The following CDH13 variants were observed in gnomAD, a reference collection of about 807,000 sequenced individuals.
The protein encoded by CDH13 is cadherin 13, also known as cadherin-13.
CDH13 carries 24 observed loss-of-function variants against 63.8 expected under a neutral mutation model. That is an observed-to-expected ratio of 0.38 (90% CI 0.27 to 0.53). The LOEUF is 0.53. Ranked by LOEUF, CDH13 falls within the 20% of genes least tolerant of loss-of-function variation. The pLI, the probability that CDH13 is intolerant of heterozygous loss-of-function variation, is 0.85. For synonymous variants in CDH13, 503 were observed against 355.3 expected (o/e 1.42, Z -4.67); for missense variants, 1,049 against 903.1 (o/e 1.16, Z -2.07).
At chr16:83,068,739 T>C (rs959552433) in intron 3 of CDH13, among the ~76,000 whole-genome samples, 2 of 152,140 alleles carry the variant, frequency 1.3e-5, no homozygotes, top group Non-Finnish European at 2.9e-5. Flanking sequence ...TTGGGAATGG[T>C]TTACATCTTT....
chr16:83,085,835 G>A (rs1398537794), intron 3 of CDH13, among the ~76,000 whole-genome samples: 1 of 152,154 alleles, frequency 6.6e-6, no homozygotes, highest in Admixed American at 6.5e-5. Context: ...GCTCTTGATG[G>A]GGAATAGTCA....
At chr16:83,084,550 T>C (rs890689016) in intron 3 of CDH13, among the ~76,000 whole-genome samples, 1 of 152,182 alleles carries the variant, frequency 6.6e-6, no homozygotes, top group African/African-American at 2.4e-5. Flanking sequence ...GAGCATGTCC[T>C]TTAGAGATAC....
At chr16:83,288,311 T>G (rs993512524) in intron 5 of CDH13, among the ~76,000 whole-genome samples, 1 of 152,194 alleles carries the variant, frequency 6.6e-6, no homozygotes, top group East Asian at 1.9e-4. Flanking sequence ...GTCCCAACAA[T>G]CTTGTTCCAT....
chr16:83,151,540 C>T (rs748398573), intron 4 of CDH13, among the ~76,000 whole-genome samples: 4 of 152,222 alleles, frequency 2.6e-5, no homozygotes, highest in Non-Finnish European at 4.4e-5. Context: ...CCCTAAAAGG[C>T]GGTGGATTTG....
intron 2 of CDH13, among the ~76,000 whole-genome samples, chr16:82,976,908 G>A (rs8047529): frequency 0.42 from 64,432 of 151,896 alleles, 13,872 homozygotes; most frequent in Admixed American, 0.45. Flanking sequence ...TTCTCCAGTT[G>A]ACAAAAGACA....
intron 2 of CDH13, among the ~76,000 whole-genome samples, chr16:82,960,454 A>G (rs999808852): frequency 6.6e-6 from 1 of 152,190 alleles, no homozygotes; most frequent in Admixed American, 6.5e-5. Context: ...GTGGTTAGAA[A>G]TAAGAGTCTG....
rs66957563 is a variant in CDH13 at position 83,337,621 on chromosome 16, A to ATTTTTTTTTT, written c.637-7221_637-7212dup. Among the ~76,000 whole-genome samples, 36 of 52,284 alleles carry ATTTTTTTTTT rather than the reference A, an allele frequency of 6.9e-4. 1 individual carries two copies. Among genetic ancestry groups the ATTTTTTTTTT allele is most frequent in the East Asian group, 7.7e-4 (1 of 1,304 alleles). 34.3% of individuals were successfully genotyped at this position (52,284 alleles called of 152,430 possible). A position where few individuals can be genotyped will look rare whatever the true frequency, so the allele number is the denominator to read the frequency against. On this transcript the variant is annotated intron_variant, in intron 5 of 13. Coordinates refer to ENST00000567109, the MANE Select transcript of CDH13 (RefSeq NM_001257.5). ...ATTTGAGAATTAAATTGACAAGCGT[A>ATTTTTTTTTT]TTTTTTTTTTTTTTTTTTTTTTTTT...
At chr16:82,871,393 G>A (rs771346407) in intron 2 of CDH13, among the ~76,000 whole-genome samples, 11 of 152,084 alleles carry the variant, frequency 7.2e-5, no homozygotes, top group Non-Finnish European at 1.5e-4. Context: ...GTATATCAGA[G>A]GAGAGATCAA....
intron 2 of CDH13, among the ~76,000 whole-genome samples, chr16:82,985,862 C>T (rs754229572): frequency 6.6e-6 from 1 of 152,018 alleles, no homozygotes; most frequent in Non-Finnish European, 1.5e-5. Context: ...CGTTTAAAAG[C>T]ACATAGCACC....
intron 5 of CDH13, among the ~76,000 whole-genome samples, chr16:83,341,473 G>C (rs942520044): frequency 1.3e-5 from 2 of 152,154 alleles, no homozygotes; most frequent in African/African-American, 4.8e-5. Flanking sequence ...ACTTCCTCAT[G>C]CATATGCATG....
intron 6 of CDH13, among the ~76,000 whole-genome samples, chr16:83,360,126 T>C (rs1873318967): frequency 6.6e-6 from 1 of 152,248 alleles, no homozygotes; most frequent in Non-Finnish European, 1.5e-5. Context: ...TTCAGTTCTA[T>C]TGCCAAAGAT....
At chr16:82,855,161 C>G (rs867266494) in intron 1 of CDH13, among the ~76,000 whole-genome samples, 3 of 152,214 alleles carry the variant, frequency 2.0e-5, no homozygotes, top group Admixed American at 6.5e-5. Context: ...CTGCTCCCCT[C>G]TTCCCTAAGA....
chr16:83,341,232 T>G (rs2090714970), intron 5 of CDH13, among the ~76,000 whole-genome samples: 1 of 152,224 alleles, frequency 6.6e-6, no homozygotes, highest in Non-Finnish European at 1.5e-5. Flanking sequence ...ACTAAGGTTT[T>G]GTGTGCTTTG....
chr16:82,933,843 T>G (rs1286303631), intron 2 of CDH13, among the ~76,000 whole-genome samples: 1 of 152,230 alleles, frequency 6.6e-6, no homozygotes, highest in East Asian at 1.9e-4. Flanking sequence ...CTCCTTTGAC[T>G]CTGTGTCTCA....
At chr16:82,917,644 G>C (rs1410521412) in intron 2 of CDH13, among the ~76,000 whole-genome samples, 2 of 152,170 alleles carry the variant, frequency 1.3e-5, no homozygotes, top group Non-Finnish European at 2.9e-5. Context: ...AGGTACCATG[G>C]CTCACGCCTG....
At chr16:83,401,169 C>T (rs1033835086) in intron 6 of CDH13, among the ~76,000 whole-genome samples, 1 of 151,936 alleles carries the variant, frequency 6.6e-6, no homozygotes, top group Non-Finnish European at 1.5e-5. Flanking sequence ...GGCCAAAGCC[C>T]GTCTCTACCA....
chr16:83,376,398 G>T (rs1355064306), intron 6 of CDH13, among the ~76,000 whole-genome samples: 1 of 152,164 alleles, frequency 6.6e-6, no homozygotes, highest in South Asian at 2.1e-4. Flanking sequence ...AAGAATGGTG[G>T]TCGCTTAAGG....
chr16:83,604,511 C>T (rs1567799533), intron 8 of CDH13, among the ~76,000 whole-genome samples: 4 of 152,180 alleles, frequency 2.6e-5, no homozygotes, highest in Non-Finnish European at 2.9e-5. Flanking sequence ...GTTTATTTAA[C>T]TGCAGGATTT....
At chr16:83,684,559 C>T (rs545736060) in intron 10 of CDH13, among the ~76,000 whole-genome samples, 1 of 152,332 alleles carries the variant, frequency 6.6e-6, no homozygotes, top group African/African-American at 2.4e-5. Context: ...ACTTCTTTCT[C>T]TCTACAATCA....
Sources: allele counts gnomAD v4.1 joint callset (sites outside exome capture counted in the v4.1 genomes callset), GRCh38; gene constraint gnomAD v4.1.1; transcripts MANE v1.5; gene names NCBI Gene and HGNC (gene_info 2026-07-23, HGNC 2026-07-21).